RYR2: variants seen among roughly 807,000 people sequenced by gnomAD.
The protein encoded by RYR2 is ryanodine receptor 2, also known as cardiac muscle ryanodine receptor-calcium release channel.
In RYR2, 227 loss-of-function variants were observed where a neutral mutation model predicts 601.1. That is an observed-to-expected ratio of 0.38 (90% CI 0.34 to 0.42). The LOEUF is 0.42. Among genes scored for constraint, RYR2 ranks in the 10% least tolerant of loss-of-function variants. The pLI, the probability that RYR2 is intolerant of heterozygous loss-of-function variation, is 1.00. For missense variants in RYR2, 4,646 were observed against 6,156.5 expected, an observed-to-expected ratio of 0.75 and a Z score of 8.21; for synonymous variants, 2,223 against 2,175.1, an observed-to-expected ratio of 1.02 and a Z score of -0.61.
rs1426565026 is a variant in RYR2, at chr1:237,634,893, C to T, written c.6693C>T (p.Ser2231=). ...CATCTTCATTTGAATTAATAGCCTC[C>T]CCAGCTATGAGAGGTTCAACACCAC... ...LLENSSVGLA[S]PAMRGSTPLD... The change falls in exon 44 of 105, where the codon TCC becomes TCT. Residue 2231 remains serine, a synonymous_variant. Transcript: ENST00000366574. 5.0e-6 allele frequency: 8 copies of T among 1,603,708 alleles called. No individual in the cohort carries two copies. The highest frequency in any genetic ancestry group is 6.8e-6 in the Non-Finnish European group (8 of 1,174,696).
At chr1:237,289,646 T>C (rs900877934) in intron 2 of RYR2, among the ~76,000 whole-genome samples, 2 of 138,716 alleles carry the variant, frequency 1.4e-5, no homozygotes, top group African/African-American at 4.9e-5. Flanking sequence ...GTCCCTCCCA[T>C]GACATGTGGG....
At chr1:237,489,308 A>G (rs1409218349) in intron 17 of RYR2, among the ~76,000 whole-genome samples, 1 of 152,200 alleles carries the variant, frequency 6.6e-6, no homozygotes, top group Non-Finnish European at 1.5e-5. Context: ...CCAGAGAGAA[A>G]TGCAAATCAG....
At chr1:237,275,039 T>C (rs983347829) in intron 2 of RYR2, among the ~76,000 whole-genome samples, 6 of 151,864 alleles carry the variant, frequency 4.0e-5, no homozygotes, top group Non-Finnish European at 8.8e-5. Flanking sequence ...CATTAAGTGA[T>C]GCATGTCTGT....
chr1:237,081,587 A>G (rs1665671403), intron 1 of RYR2, among the ~76,000 whole-genome samples: 1 of 151,962 alleles, frequency 6.6e-6, no homozygotes, highest in Non-Finnish European at 1.5e-5. Context: ...TATGTTCCAG[A>G]TATGTGTTAC....
chr1:237,550,326 C>A lies in RYR2; in HGVS notation c.3067-218C>A, dbSNP rs964140502. Among the ~76,000 whole-genome samples the A allele has an allele frequency of 3.4e-4, 51 of 152,124 alleles. No individual in the cohort carries two copies. Among genetic ancestry groups the A allele is most frequent in the Non-Finnish European group, 1.5e-4 (10 of 68,014 alleles). On this transcript the variant is annotated intron_variant, in intron 26 of 104. Transcript: ENST00000366574. ...TTTTTTGTTATTGTTGTTTTTCCTTCTCATGGAGAGGGTCTGCTTTCCATA... is the reference window on the plus strand; with the variant it reads ...TTTTTTGTTATTGTTGTTTTTCCTTATCATGGAGAGGGTCTGCTTTCCATA...
chr1:237,616,471 A>G (rs1678483209), intron 37 of RYR2, among the ~76,000 whole-genome samples: 1 of 152,170 alleles, frequency 6.6e-6, no homozygotes, highest in Non-Finnish European at 1.5e-5. Flanking sequence ...TCTCATCCAT[A>G]ACCCAGATCT....
intron 12 of RYR2, among the ~76,000 whole-genome samples, chr1:237,424,806 T>C (rs1469584336): frequency 1.3e-5 from 2 of 152,162 alleles, no homozygotes; most frequent in African/African-American, 4.8e-5. Flanking sequence ...CAGCATAGGA[T>C]TGGCAGCATA....
chr1:237,573,885 A>G (rs1408210368), intron 29 of RYR2, among the ~76,000 whole-genome samples: 1 of 152,028 alleles, frequency 6.6e-6, no homozygotes, highest in Non-Finnish European at 1.5e-5. Context: ...TCAAATAGGG[A>G]CTGCAGCAGC....
chr1:237,188,690 C>T (rs939362176), intron 1 of RYR2, among the ~76,000 whole-genome samples: 7 of 152,016 alleles, frequency 4.6e-5, no homozygotes, highest in African/African-American at 9.7e-5. Flanking sequence ...CTCAGCCTCC[C>T]GAGTAGCTGG....
intron 1 of RYR2, among the ~76,000 whole-genome samples, chr1:237,171,230 T>G (rs775781326): frequency 2.0e-4 from 10 of 49,560 alleles, no homozygotes; most frequent in Admixed American, 6.2e-4. Flanking sequence ...CAAGACTCCA[T>G]CTCAAAAAAA....
At chr1:237,743,529 T>C in intron 80 of RYR2, 7 of 515,966 alleles carry the variant, frequency 1.4e-5, no homozygotes, top group South Asian at 9.9e-5. Flanking sequence ...GCACAGCATT[T>C]ATAGTCTATC....
rs76942758 is a variant in RYR2 at position 237,388,569 on chromosome 1, G to A, written c.773+386G>A. ...TTTGAAGTCAGAGTTCTCAAATTGC[G>A]TACAATTTTAGGACCCTTTGCTATG... is the stretch of plus-strand genomic sequence containing the variant. On this transcript the variant is annotated intron_variant, in intron 10 of 104. Transcript: ENST00000366574. 1.3e-3 allele frequency among the ~76,000 whole-genome samples: 191 copies of A among 152,154 alleles called. 1 individual carries two copies. Among genetic ancestry groups the A allele is most frequent in the African/African-American group, 4.0e-3 (165 of 41,494 alleles).
chr1:237,555,455 G>GA (rs1315939867), intron 27 of RYR2, among the ~76,000 whole-genome samples: 1 of 151,968 alleles, frequency 6.6e-6, no homozygotes, highest in Admixed American at 6.6e-5. Context: ...AAATTTTGGG[G>GA]AAAAAACTCA....
chr1:237,709,843 A>G (rs1263466448), intron 70 of RYR2, among the ~76,000 whole-genome samples: 2 of 152,322 alleles, frequency 1.3e-5, no homozygotes, highest in African/African-American at 2.4e-5. Flanking sequence ...AGCTTTCCCT[A>G]TCTCTTGGCA....
intron 1 of RYR2, among the ~76,000 whole-genome samples, chr1:237,121,502 A>G (rs902154557): frequency 6.6e-6 from 1 of 152,220 alleles, no homozygotes; most frequent in Non-Finnish European, 1.5e-5. Flanking sequence ...GGAAACGGTA[A>G]ACTCCAAATC....
At position 237,511,785 on chromosome 1, in the gene RYR2, C is replaced by A. The variant is rs777420913; in HGVS notation, c.2816C>A (p.Thr939Asn). ...TACAACTTACAAATGTCGCTTGAGA[C>A]CCTGAAGTGAGTTTCTTAACTTTTT... ...RNYNLQMSLETLKTLLALGCH... is the reference protein window; with the variant it reads ...RNYNLQMSLENLKTLLALGCH... The change falls in exon 24 of 105, where the codon ACC (threonine) becomes AAC (asparagine). Residue 939 changes from threonine (T) to asparagine (N), a missense_variant. Around this residue, in one of 17 missense-constraint regions of RYR2, gnomAD observed 1,807 missense variants for 2,088.1 expected, o/e 0.87. Coordinates refer to ENST00000366574, the MANE Select transcript of RYR2 (RefSeq NM_001035.3). The A allele has an allele frequency of 4.1e-6, 6 of 1,465,988 alleles. No individual in the cohort carries two copies. 90.8% of individuals were successfully genotyped at this position (1,465,988 alleles called of 1,614,324 possible). A position where few individuals can be genotyped will look rare whatever the true frequency, so the allele number is the denominator to read the frequency against.
chr1:237,611,028 T>C (rs1433849627), intron 36 of RYR2, 40 bp downstream of exon 36: 4 of 1,562,632 alleles, frequency 2.6e-6, no homozygotes, highest in Admixed American at 1.8e-5. Context: ...ATTGGGACGC[T>C]TGGGATTAGC....
In RYR2 at chr1:237,364,445, G is replaced by A. The variant is rs1020673700; in HGVS notation, c.309+73G>A. Reference sequence around the variant, plus strand: ...TACTATATATGGATTATATATGTATGTATCTGCATATTAGTATAGCTGTAT... The same window carrying A: ...TACTATATATGGATTATATATGTATATATCTGCATATTAGTATAGCTGTAT... On this transcript the variant is annotated intron_variant, in intron 5 of 104. Coordinates refer to ENST00000366574, the MANE Select transcript of RYR2 (RefSeq NM_001035.3). The A allele has an allele frequency of 3.6e-5, 27 of 759,786 alleles. No homozygotes were observed. The African/African-American group carries it at 3.8e-4, about 11-fold the overall frequency. 47.1% of individuals were successfully genotyped at this position (759,786 alleles called of 1,614,324 possible).
intron 19 of RYR2, 81 bp downstream of exon 19, chr1:237,493,168 G>T: frequency 1.3e-6 from 2 of 1,503,094 alleles, no homozygotes; most frequent in South Asian, 1.2e-5. Context: ...GATACTATAT[G>T]GTCTGTTTTT....
Sources: gnomAD v4.1 joint callset for allele counts (sites outside exome capture counted in the v4.1 genomes callset) on GRCh38, gnomAD v4.1.1 for gene constraint, gnomAD v4.1.1 regional missense constraint, MANE v1.5 for transcripts, NCBI Gene and HGNC (gene_info 2026-07-23, HGNC 2026-07-21) for gene names.